The following VGLL3 variants were observed in gnomAD, a reference collection of about 807,000 sequenced individuals.
VGLL3 encodes the protein transcription cofactor vestigial-like protein 3.
In VGLL3, 18 loss-of-function variants were observed where a neutral mutation model predicts 29.2. The ratio of observed to expected loss-of-function variants is 0.62; its 90% confidence interval spans 0.43 to 0.91. VGLL3 has a LOEUF of 0.91. Among genes scored for constraint, VGLL3 ranks in the 40% least tolerant of loss-of-function variants. VGLL3 has a pLI of 0.00. For missense variants in VGLL3, 440 were observed against 413.2 expected (o/e 1.06, Z -0.56); for synonymous variants, 180 against 151.8 (o/e 1.19, Z -1.36).
chr3:86,956,077 A>T (rs1704715948), intron 3 of VGLL3, among the ~76,000 whole-genome samples: 2 of 152,246 alleles, frequency 1.3e-5, no homozygotes, highest in African/African-American at 4.8e-5. Flanking sequence ...AGTATCTGTA[A>T]ATTCCTCAGG....
At chr3:86,972,868 T>C (rs1705131846) in intron 2 of VGLL3, among the ~76,000 whole-genome samples, 2 of 152,086 alleles carry the variant, frequency 1.3e-5, no homozygotes, top group Admixed American at 1.3e-4. Flanking sequence ...GTTAAAAATA[T>C]TACTCACACA....
intron 2 of VGLL3, 106 bp downstream of exon 2, chr3:86,978,420 G>T: frequency 7.8e-7 from 1 of 1,277,098 alleles, no homozygotes; most frequent in Non-Finnish European, 1.1e-6. Context: ...ATATTAAAAA[G>T]CAAGTGGATA....
chr3:86,974,741 A>T (rs901659999), intron 2 of VGLL3, among the ~76,000 whole-genome samples: 1 of 152,198 alleles, frequency 6.6e-6, no homozygotes, highest in Non-Finnish European at 1.5e-5. Flanking sequence ...TGGCACTGTA[A>T]TAACTTTATG....
intron 2 of VGLL3, among the ~76,000 whole-genome samples, chr3:86,973,168 A>T (rs1705140669): frequency 6.6e-6 from 1 of 152,172 alleles, no homozygotes; most frequent in Admixed American, 6.5e-5. Context: ...AGAATGATAC[A>T]GCTTATTAAT....
chr3:86,951,440 T>A (rs1440561714), intron 3 of VGLL3, among the ~76,000 whole-genome samples: 1 of 152,100 alleles, frequency 6.6e-6, no homozygotes, highest in Non-Finnish European at 1.5e-5. Context: ...TCTGCCCTCA[T>A]GACCTAATCA....
chr3:86,980,774 T>C (rs73844434), intron 1 of VGLL3, among the ~76,000 whole-genome samples: 13,349 of 152,058 alleles, frequency 0.088, 1,594 homozygotes, highest in African/African-American at 0.27. Context: ...AAAACATGTA[T>C]TGTTTTAACC....
intron 3 of VGLL3, among the ~76,000 whole-genome samples, chr3:86,959,880 T>A (rs1173544225): frequency 1.3e-5 from 2 of 152,128 alleles, no homozygotes. Flanking sequence ...AAAGAAATCA[T>A]AGGTCTTGAG....
In VGLL3 at chr3:86,945,971, A is replaced by T. The variant is rs1704498305; in HGVS notation, c.*1053T>A. On this transcript the variant is annotated 3_prime_UTR_variant, in exon 4 of 4. Transcript: ENST00000398399. ...ACCTTCCCAGATATTGTTCCTTCAA[A>T]TGCCCTTCAGGAAAAACAAATCCCA... 1 of 152,150 alleles carries T rather than the reference A, an allele frequency of 6.6e-6. No individual in the cohort carries two copies. The highest frequency in any genetic ancestry group is 2.4e-5 in the African/African-American group (1 of 41,448). The allele number at this position is 152,150 out of a possible 1,614,324, so 9.4% of individuals were successfully genotyped here.
rs1704498759 is a variant in VGLL3, at chr3:86,945,993, C to T, written c.*1031G>A. 6.6e-6 allele frequency: 1 copy of T among 152,040 alleles called. No individual in the cohort carries two copies. Among genetic ancestry groups the T allele is most frequent in the African/African-American group, 2.4e-5 (1 of 41,414 alleles). The allele number at this position is 152,040 out of a possible 1,614,324, so 9.4% of individuals were successfully genotyped here. Reference sequence around the variant, plus strand: ...CAAATGCCCTTCAGGAAAAACAAATCCCACTTAAAATATGACTTTTTAAAT... The same window carrying T: ...CAAATGCCCTTCAGGAAAAACAAATTCCACTTAAAATATGACTTTTTAAAT... On this transcript the variant is annotated 3_prime_UTR_variant, in exon 4 of 4. Transcript: ENST00000398399.
At position 86,968,579 on chromosome 3, in the gene VGLL3, C is replaced by T. The variant is rs1217038392; in HGVS notation, c.937+11G>A. 2 of 1,592,668 alleles carry T rather than the reference C, an allele frequency of 1.3e-6. No homozygotes were observed. Among genetic ancestry groups the T allele is most frequent in the African/African-American group, 2.7e-5 (2 of 74,324 alleles). On this transcript the variant is annotated intron_variant, in intron 3 of 3. Transcript: ENST00000398399. ...ATCTTGTTATAGGAAGAAAGAAATC[C>T]AGCAGCTTACCTGTATCGAATCCCA...
chr3:86,963,562 G>A (rs1158020024), intron 3 of VGLL3, among the ~76,000 whole-genome samples: 1 of 152,138 alleles, frequency 6.6e-6, no homozygotes, highest in Admixed American at 6.5e-5. Flanking sequence ...TTATTAAACT[G>A]GTGAAGCATA....
chr3:86,974,136 T>A (rs1269730231), intron 2 of VGLL3, among the ~76,000 whole-genome samples: 7 of 151,726 alleles, frequency 4.6e-5, no homozygotes. Context: ...TTTTTTTTTT[T>A]AGATAGAGTC....
intron 2 of VGLL3, among the ~76,000 whole-genome samples, chr3:86,975,503 A>G (rs1553706911): frequency 6.6e-6 from 1 of 152,142 alleles, no homozygotes; most frequent in Non-Finnish European, 1.5e-5. Context: ...TAACCCCCTT[A>G]TTTTATAAAT....
intron 3 of VGLL3, among the ~76,000 whole-genome samples, chr3:86,958,009 A>G (rs1704758367): frequency 6.6e-6 from 1 of 152,198 alleles, no homozygotes; most frequent in South Asian, 2.1e-4. Flanking sequence ...GTACGTGCAC[A>G]TACGATACAG....
intron 3 of VGLL3, among the ~76,000 whole-genome samples, chr3:86,947,800 A>T (rs1392604658): frequency 6.6e-6 from 1 of 152,078 alleles, no homozygotes; most frequent in Non-Finnish European, 1.5e-5. Context: ...ATTAATTCAA[A>T]CTCAAAGCTA....
intron 3 of VGLL3, among the ~76,000 whole-genome samples, chr3:86,952,360 C>A (rs1704634760): frequency 6.6e-6 from 1 of 152,154 alleles, no homozygotes; most frequent in Admixed American, 6.5e-5. Context: ...TCATAACCCA[C>A]TAAATAAACA....
In VGLL3 at chr3:86,939,111, A is replaced by G. The variant is rs143282908; in HGVS notation, c.*7913T>C. ...AAATAGTGACAGGAATTTTCTTTAC[A>G]TGCAATTATTTAATGAATGAAGATA... On this transcript the variant is annotated 3_prime_UTR_variant, in exon 4 of 4. Transcript: ENST00000398399. The G allele has an allele frequency of 5.3e-5, 8 of 152,334 alleles. No individual in the cohort carries two copies. In the East Asian group the frequency reaches 5.8e-4, roughly 11 times the overall value. The allele number at this position is 152,334 out of a possible 1,614,324, so 9.4% of individuals were successfully genotyped here. A position where few individuals can be genotyped will look rare whatever the true frequency, so the allele number is the denominator to read the frequency against.
chr3:86,957,198 C>G (rs1166759780), intron 3 of VGLL3, among the ~76,000 whole-genome samples: 6 of 152,166 alleles, frequency 3.9e-5, no homozygotes, highest in African/African-American at 1.4e-4. Flanking sequence ...TTTTTATCTT[C>G]TTTTCCATTG....
chr3:86,981,645 TTA>T (rs942034995), intron 1 of VGLL3, among the ~76,000 whole-genome samples: 95 of 152,232 alleles, frequency 6.2e-4, no homozygotes, highest in African/African-American at 2.1e-3. Context: ...TTTTTTCTTT[TTA>T]TCTCTCTCGA....
Sources: allele counts gnomAD v4.1 joint callset (sites outside exome capture counted in the v4.1 genomes callset), GRCh38; gene constraint gnomAD v4.1.1; transcripts MANE v1.5; gene names NCBI Gene and HGNC (gene_info 2026-07-23, HGNC 2026-07-21).